Variants in MUC22 observed in about 807,000 individuals in gnomAD.
MUC22 encodes mucin-22.
A neutral mutation model predicts 40.3 loss-of-function variants in MUC22; 24 were observed. The observed-to-expected ratio is 0.60, with a 90% CI of 0.43 to 0.84. MUC22 has a LOEUF of 0.84. Among genes scored for constraint, MUC22 ranks in the 40% least tolerant of loss-of-function variants. MUC22 has a pLI of 0.00. For missense variants in MUC22, 1,926 were observed against 2,130.7 expected (o/e 0.90, Z 1.89); for synonymous variants, 765 against 844.5 (o/e 0.91, Z 1.63).
At chr6:31,012,702 G>C (rs1260136275) in intron 1 of MUC22, among the ~76,000 whole-genome samples, 1 of 152,096 alleles carries the variant, frequency 6.6e-6, no homozygotes, top group Non-Finnish European at 1.5e-5. Context: ...CCTACCACTA[G>C]ATCTATAAAG....
chr6:31,027,976 T>C (rs1765590059), exon 2 of MUC22: 1 of 1,532,932 alleles, frequency 6.5e-7, no homozygotes, highest in South Asian at 1.2e-5. Flanking sequence ...CACCACAGTC[T>C]CTACTGCAGA....
In MUC22 at chr6:31,025,578, G is replaced by A. The variant is rs1317053555; in HGVS notation, c.147G>A (p.Met49Ile). ...CCATCACAGGCTCTGAGACCACCAT[G>A]GCCTCCACCATGGCCTCTACTTCGG... Residue 49 changes from methionine to isoleucine, a missense_variant, in exon 2 of 4, where the codon ATG (methionine) becomes ATA (isoleucine). This residue lies in a region of MUC22 where 1,281 missense variants were observed against 1,337.8 expected (regional missense o/e 0.96). Transcript: ENST00000561890. 2.0e-5 allele frequency: 31 copies of A among 1,519,526 alleles called. No homozygotes were observed. Among genetic ancestry groups the A allele is most frequent in the Admixed American group, 8.1e-5 (4 of 49,562 alleles). 94.1% of individuals were successfully genotyped at this position (1,519,526 alleles called of 1,614,324 possible). A position where few individuals can be genotyped will look rare whatever the true frequency, so the allele number is the denominator to read the frequency against.
intron 1 of MUC22, among the ~76,000 whole-genome samples, chr6:31,016,753 G>C (rs1764234262): frequency 6.6e-6 from 1 of 152,266 alleles, no homozygotes; most frequent in South Asian, 2.1e-4. Flanking sequence ...GGCTGGCCGA[G>C]GCCGGAGCCA....
At position 31,029,914 on chromosome 6, in the gene MUC22, A is replaced by ACCAACACT. The variant is rs1182966324; in HGVS notation, c.4483_4484insCCAACACT (p.Ser1495ThrfsTer6). On this transcript the variant is annotated frameshift_variant, in exon 2 of 4. Transcript: ENST00000561890. LOFTEE classifies it high-confidence loss of function. ...CACTGCCTTCATCATAGGCTCTGAG[A>ACCAACACT]GCACCATAGCTTCCACTGCAAGCTT... 8 of 1,515,528 alleles carry ACCAACACT rather than the reference A, an allele frequency of 5.3e-6. No homozygotes were observed. The highest frequency in any genetic ancestry group is 1.2e-5 in the South Asian group (1 of 82,318). The allele number at this position is 1,515,528 out of a possible 1,614,324, so 93.9% of individuals were successfully genotyped here.
intron 1 of MUC22, among the ~76,000 whole-genome samples, chr6:31,022,792 A>G (rs1260804613): frequency 6.8e-6 from 1 of 147,006 alleles, no homozygotes; most frequent in Non-Finnish European, 1.5e-5. Flanking sequence ...CACACAAATA[A>G]GAATGATATT....
At chr6:31,022,282 C>T (rs569320753) in intron 1 of MUC22, among the ~76,000 whole-genome samples, 9 of 152,202 alleles carry the variant, frequency 5.9e-5, no homozygotes, top group East Asian at 3.9e-4. Flanking sequence ...CTCAGCTTCT[C>T]GAGTAGCTGG....
At chr6:31,022,446 C>G (rs956315814) in intron 1 of MUC22, among the ~76,000 whole-genome samples, 3 of 150,722 alleles carry the variant, frequency 2.0e-5, no homozygotes, top group Non-Finnish European at 4.4e-5. Flanking sequence ...CGTGAATCGA[C>G]AGGCAAGACT....
intron 1 of MUC22, among the ~76,000 whole-genome samples, 183 bp downstream of exon 1, chr6:31,010,959 T>C (rs1474702004): frequency 4.0e-5 from 6 of 151,286 alleles, no homozygotes; most frequent in Non-Finnish European, 8.8e-5. Context: ...CTGACCATGA[T>C]TCTGATGCTG....
upstream of MUC22, among the ~76,000 whole-genome samples, chr6:31,007,447 G>A (rs2523924): frequency 0.15 from 22,491 of 152,100 alleles, 1,740 homozygotes; most frequent in Admixed American, 0.2. This position sits in a 1 kb window ranked among gnomAD's most constrained non-coding sequence, Gnocchi z 4.0. Flanking sequence ...ACTTTCTGAT[G>A]AACTATATGC....
intron 1 of MUC22, among the ~76,000 whole-genome samples, chr6:31,019,408 A>G (rs1469417368): frequency 6.6e-6 from 1 of 152,230 alleles, no homozygotes; most frequent in Non-Finnish European, 1.5e-5. Context: ...CCGTTTTCAC[A>G]CAGCATCTTT....
At position 31,011,198 on chromosome 6, in the gene MUC22, CTTT is replaced by C. The variant is rs1763846917; in HGVS notation, c.70+423_70+425del. Among the ~76,000 whole-genome samples the C allele has an allele frequency of 7.9e-6, 1 of 127,338 alleles. No individual in the cohort carries two copies. The highest frequency in any genetic ancestry group is 1.9e-5 in the Non-Finnish European group (1 of 53,764). 83.5% of individuals were successfully genotyped at this position (127,338 alleles called of 152,430 possible). On this transcript the variant is annotated intron_variant, in intron 1 of 3. Transcript: ENST00000561890. This position sits in a 1 kb window ranked among gnomAD's most constrained non-coding sequence, Gnocchi z 4.5. ...GTCAAGTAAAAATCCTTCAATCCTTCTTTGTTTTTTTTCCATAGGTTATTTGGG... is the reference window on the plus strand; with the variant it reads ...GTCAAGTAAAAATCCTTCAATCCTTCGTTTTTTTTCCATAGGTTATTTGGG...
At chr6:31,028,299 A>G (rs1765629876) in exon 2 of MUC22, 1 of 1,533,692 alleles carries the variant, frequency 6.5e-7, no homozygotes, top group East Asian at 2.5e-5. Flanking sequence ...AGACCACTAA[A>G]GTTTCTACCA....
At chr6:31,006,317 T>C (rs926407564), upstream of MUC22, among the ~76,000 whole-genome samples, 8 of 152,042 alleles carry the variant, frequency 5.3e-5, no homozygotes, top group African/African-American at 1.9e-4. Context: ...GACAGGGTGA[T>C]CAATAAAAGC....
chr6:31,026,132 G>T lies in MUC22; in HGVS notation c.701G>T (p.Gly234Val), dbSNP rs780062791. 3 of 1,531,428 alleles carry T rather than the reference G, an allele frequency of 2.0e-6. No homozygotes were observed. In the South Asian group the frequency reaches 3.6e-5, roughly 18 times the overall value. 94.9% of individuals were successfully genotyped at this position (1,531,428 alleles called of 1,614,324 possible). ...ACCACTACCTCCACCTCCATGGCAG[G>T]CTCTGAGGCCACCACAACCTCAACT... Residue 234 changes from glycine (G) to valine (V), a missense_variant, in exon 2 of 4, where the codon GGC (glycine) becomes GTC (valine). Transcript: ENST00000561890.
At chr6:31,010,802 G>A (rs1453195057) in intron 1 of MUC22, 26 bp downstream of exon 1, 3 of 702,340 alleles carry the variant, frequency 4.3e-6, no homozygotes, top group African/African-American at 1.7e-5. Flanking sequence ...GTTAAGGAGG[G>A]AGAGGGGCAT....
chr6:31,012,163 A>G (rs1763905143), intron 1 of MUC22, among the ~76,000 whole-genome samples: 1 of 152,212 alleles, frequency 6.6e-6, no homozygotes, highest in African/African-American at 2.4e-5. Flanking sequence ...CCTTTACTGT[A>G]GGATGGCTCG....
chr6:31,015,162 G>A (rs940703281), intron 1 of MUC22, among the ~76,000 whole-genome samples: 1 of 152,058 alleles, frequency 6.6e-6, no homozygotes, highest in African/African-American at 2.4e-5. Flanking sequence ...TTGTTTCCTG[G>A]AGTATATGGG....
intron 2 of MUC22, among the ~76,000 whole-genome samples, chr6:31,030,948 T>C (rs1166401874): frequency 6.6e-6 from 1 of 152,244 alleles, no homozygotes; most frequent in Non-Finnish European, 1.5e-5. Context: ...AGAGACAGCC[T>C]GGCCCAAAAG....
At chr6:31,023,166 TAAA>T (rs200740913) in intron 1 of MUC22, among the ~76,000 whole-genome samples, 8 of 102,208 alleles carry the variant, frequency 7.8e-5, no homozygotes, top group Non-Finnish European at 1.7e-4. Flanking sequence ...CTGGGTTAAT[TAAA>T]AAAAAAAAAG....
Sources: allele counts gnomAD v4.1 joint callset (sites outside exome capture counted in the v4.1 genomes callset), GRCh38; gene constraint gnomAD v4.1.1; regional missense constraint gnomAD v4.1.1; non-coding constraint Gnocchi (gnomAD v3.1); transcripts MANE v1.5; gene names NCBI Gene and HGNC (gene_info 2026-07-23, HGNC 2026-07-21).